The following NALF1 variants were observed in gnomAD, a reference collection of about 807,000 sequenced individuals.
NALF1 encodes the protein NALCN channel auxiliary factor 1, also known as family with sequence similarity 155 member A.
NALF1 carries 3 observed loss-of-function variants against 48.4 expected under a neutral mutation model. The ratio of observed to expected loss-of-function variants is 0.06; its 90% CI spans 0.03 to 0.16. NALF1 has a LOEUF of 0.16. Ranked by LOEUF, NALF1 falls within the 10% of genes least tolerant of loss-of-function variation. The probability of loss-of-function intolerance (pLI) is 1.00; values close to 1 mark genes in which losing one functional copy is unlikely to be tolerated. For synonymous variants in NALF1, 262 were observed against 245.7 expected (o/e 1.07, Z -0.62); for missense variants, 526 against 571.5 (o/e 0.92, Z 0.81).
chr13:107,493,954 G>C (rs1197200438), intron 1 of NALF1, among the ~76,000 whole-genome samples: 1 of 152,040 alleles, frequency 6.6e-6, no homozygotes, highest in Admixed American at 6.6e-5. Context: ...ATATCCATTA[G>C]AGAAAACGAT....
chr13:107,757,517 G>C (rs1877142221), intron 1 of NALF1, among the ~76,000 whole-genome samples: 1 of 145,722 alleles, frequency 6.9e-6, no homozygotes, highest in Non-Finnish European at 1.5e-5. Flanking sequence ...CTATGAAAAA[G>C]TAAACAGTTT....
At chr13:107,287,479 T>A (rs1299230076) in intron 1 of NALF1, among the ~76,000 whole-genome samples, 1 of 152,166 alleles carries the variant, frequency 6.6e-6, no homozygotes, top group Non-Finnish European at 1.5e-5. Flanking sequence ...TTAGGGCTTC[T>A]CTAATACTTT....
chr13:107,782,306 C>T (rs1338275635), intron 1 of NALF1, among the ~76,000 whole-genome samples: 1 of 152,208 alleles, frequency 6.6e-6, no homozygotes, highest in African/African-American at 2.4e-5. Context: ...CCGCCAGCCT[C>T]GGCCTCCGGA....
chr13:107,277,143 G>A (rs1422793406), intron 1 of NALF1, among the ~76,000 whole-genome samples: 1 of 152,206 alleles, frequency 6.6e-6, no homozygotes, highest in East Asian at 1.9e-4. Context: ...GGAATACTGA[G>A]TATCTGCCCG....
At chr13:107,704,153 T>C (rs1041561110) in intron 1 of NALF1, among the ~76,000 whole-genome samples, 16 of 152,190 alleles carry the variant, frequency 1.1e-4, no homozygotes, top group African/African-American at 3.9e-4. Flanking sequence ...TGATCTTATG[T>C]TTTGCTATGT....
intron 1 of NALF1, among the ~76,000 whole-genome samples, chr13:107,855,917 T>C (rs1880430783): frequency 6.6e-6 from 1 of 152,174 alleles, no homozygotes. Flanking sequence ...CGAGAATTTT[T>C]TTTTTTTTCA....
chr13:107,709,605 T>C (rs1346995170), intron 1 of NALF1, among the ~76,000 whole-genome samples: 1 of 152,208 alleles, frequency 6.6e-6, no homozygotes, highest in Non-Finnish European at 1.5e-5. Context: ...TAGAGTAAAA[T>C]ACTTTTTAAA....
intron 1 of NALF1, among the ~76,000 whole-genome samples, chr13:107,592,300 T>A (rs766506042): frequency 6.6e-6 from 1 of 151,878 alleles, no homozygotes; most frequent in Non-Finnish European, 1.5e-5. Context: ...ATTTAGAAAA[T>A]CTCATTAATC....
Position 107,408,357 on chromosome 13 carries a change from G to A in NALF1, c.916-197602C>T, listed in dbSNP as rs369658915. ...ATTTACCCTGATGTGATTATTACGC[G>A]TTGCATGCTTGTATCAAATTACCTC... On this transcript the variant is annotated intron_variant, in intron 1 of 2. Coordinates refer to ENST00000375915, the MANE Select transcript of NALF1 (RefSeq NM_001080396.3). 2.6e-4 allele frequency among the ~76,000 whole-genome samples: 40 copies of A among 151,858 alleles called. 1 individual carries two copies. In the South Asian group the frequency reaches 7.9e-3, roughly 30 times the overall value.
chr13:107,731,898 T>C (rs1876320401), intron 1 of NALF1, among the ~76,000 whole-genome samples: 1 of 152,198 alleles, frequency 6.6e-6, no homozygotes, highest in South Asian at 2.1e-4. Context: ...TAAAACTCTT[T>C]CTCTGCTGCT....
chr13:107,408,917 A>G (rs191533465), intron 1 of NALF1, among the ~76,000 whole-genome samples: 1 of 152,336 alleles, frequency 6.6e-6, no homozygotes, highest in East Asian at 1.9e-4. Context: ...AATCCTGTTC[A>G]TATTAAAATG....
intron 1 of NALF1, among the ~76,000 whole-genome samples, chr13:107,634,816 A>G (rs1225470686): frequency 1.3e-5 from 2 of 152,168 alleles, no homozygotes; most frequent in Admixed American, 1.3e-4. Context: ...TGTTGATGTC[A>G]CATGCTATAG....
intron 1 of NALF1, among the ~76,000 whole-genome samples, chr13:107,685,136 A>G (rs1211049996): frequency 1.3e-5 from 2 of 152,148 alleles, no homozygotes; most frequent in Non-Finnish European, 2.9e-5. Context: ...AACATGGTGA[A>G]GCCCCATGTG....
chr13:107,371,313 G>A (rs4772876), intron 1 of NALF1, among the ~76,000 whole-genome samples: 6 of 151,828 alleles, frequency 4.0e-5, no homozygotes, highest in Non-Finnish European at 8.8e-5. Context: ...CAGGCATGAT[G>A]GTGCATGCCT....
At chr13:107,479,444 A>G (rs937759002) in intron 1 of NALF1, among the ~76,000 whole-genome samples, 1 of 152,198 alleles carries the variant, frequency 6.6e-6, no homozygotes, top group Non-Finnish European at 1.5e-5. Context: ...TATCTATCAA[A>G]GAAGACTGAT....
chr13:107,498,459 A>C (rs900039219), intron 1 of NALF1, among the ~76,000 whole-genome samples: 6 of 152,210 alleles, frequency 3.9e-5, no homozygotes, highest in Non-Finnish European at 8.8e-5. Context: ...CCTAAAAGTC[A>C]ATTGAATTTT....
intron 1 of NALF1, among the ~76,000 whole-genome samples, chr13:107,502,334 C>T (rs1875550839): frequency 6.6e-6 from 1 of 152,112 alleles, no homozygotes; most frequent in Admixed American, 6.6e-5. Flanking sequence ...CAAATGCAAA[C>T]AGTCTTTCTC....
intron 1 of NALF1, among the ~76,000 whole-genome samples, chr13:107,329,651 C>A (rs190917265): frequency 7.2e-6 from 1 of 139,780 alleles, no homozygotes; most frequent in African/African-American, 2.6e-5. Flanking sequence ...TCCCTCCCCC[C>A]TCCCCCCACG....
chr13:107,611,318 C>T (rs1879218812), intron 1 of NALF1, among the ~76,000 whole-genome samples: 1 of 152,160 alleles, frequency 6.6e-6, no homozygotes, highest in African/African-American at 2.4e-5. Flanking sequence ...ATAGAATTAT[C>T]ATATGATCCA....
Sources: gnomAD v4.1 joint callset for allele counts (sites outside exome capture counted in the v4.1 genomes callset) on GRCh38, gnomAD v4.1.1 for gene constraint, MANE v1.5 for transcripts, NCBI Gene and HGNC (gene_info 2026-07-23, HGNC 2026-07-21) for gene names.